Variants in IQCH observed in about 807,000 individuals in gnomAD.
The protein encoded by IQCH is IQ motif containing H, also known as IQ domain-containing protein H.
IQCH carries 98 observed loss-of-function variants against 117.0 expected under a neutral mutation model. The observed-to-expected ratio is 0.84, with a 90% confidence interval of 0.71 to 0.99. IQCH has a LOEUF of 0.99. Among genes scored for constraint, IQCH ranks in the 50% least tolerant of loss-of-function variants. The pLI, the probability that IQCH is intolerant of heterozygous loss-of-function variation, is 0.00. For missense variants in IQCH, 1,102 were observed against 1,243.8 expected (o/e 0.89, Z 1.72); for synonymous variants, 412 against 448.2 (o/e 0.92, Z 1.02).
At position 67,395,024 on chromosome 15, in the gene IQCH, G is replaced by A. The variant is rs1971415545; in HGVS notation, c.1633-267G>A. On this transcript the variant is annotated intron_variant, in intron 12 of 20. Coordinates refer to ENST00000335894, the MANE Select transcript of IQCH (RefSeq NM_001031715.3). This position sits in a 1 kb window ranked among gnomAD's most constrained non-coding sequence, Gnocchi z 4.0. ...CCGCCAGCCTCTTTTCCTTCTGACA[G>A]AAGGATAATTCCACGTGGATCAAAT... Among the ~76,000 whole-genome samples the A allele has an allele frequency of 6.6e-6, 1 of 152,112 alleles. No individual in the cohort carries two copies. Among genetic ancestry groups the A allele is most frequent in the Admixed American group, 6.6e-5 (1 of 15,264 alleles).
intron 16 of IQCH, among the ~76,000 whole-genome samples, chr15:67,448,157 C>CTGTG (rs113292992): frequency 0.014 from 2,126 of 147,632 alleles, 20 homozygotes; most frequent in South Asian, 0.029. Flanking sequence ...CTAAGTGACT[C>CTGTG]TGTGTGTGTG....
rs16950943 is a variant in IQCH at position 67,493,507 on chromosome 15, A to G, written c.2862-751A>G. Reference sequence around the variant, plus strand: ...CTCTGAACATAGGCAGGACACTCTCATTAAGTGATAGGAATCACTTGTACC... The same window carrying G: ...CTCTGAACATAGGCAGGACACTCTCGTTAAGTGATAGGAATCACTTGTACC... On this transcript the variant is annotated intron_variant, in intron 19 of 20. Coordinates refer to ENST00000335894, the MANE Select transcript of IQCH (RefSeq NM_001031715.3). This position sits in a 1 kb window ranked among gnomAD's most constrained non-coding sequence, Gnocchi z 5.1. Among the ~76,000 whole-genome samples, 2,348 of 152,332 alleles carry G rather than the reference A, an allele frequency of 0.015. 66 individuals carry two copies. Among genetic ancestry groups the G allele is most frequent in the African/African-American group, 0.054 (2,227 of 41,566 alleles).
chr15:67,374,041 C>T (rs1159492352), intron 10 of IQCH: 2 of 152,400 alleles, frequency 1.3e-5, no homozygotes, highest in Non-Finnish European at 2.9e-5. Context: ...TATTTAATTA[C>T]ATTTATGAAT....
At chr15:67,372,068 A>G (rs1369538016) in intron 8 of IQCH, 43 bp from the exon 9 acceptor site, 1 of 1,498,876 alleles carries the variant, frequency 6.7e-7, no homozygotes. Context: ...AAAGGAGATC[A>G]TAATATCTTT....
chr15:67,483,908 C>A (rs2083403855), intron 18 of IQCH, among the ~76,000 whole-genome samples: 1 of 152,184 alleles, frequency 6.6e-6, no homozygotes, highest in Non-Finnish European at 1.5e-5. Flanking sequence ...GGCTAAAGAT[C>A]TGGCAGATAT....
At chr15:67,324,392 T>C (rs191227301) in intron 4 of IQCH, among the ~76,000 whole-genome samples, 50 of 151,386 alleles carry the variant, frequency 3.3e-4, no homozygotes, top group African/African-American at 1.0e-3. Flanking sequence ...CGGGCGATCA[T>C]TGAGGTCCAG....
rs1400640229 is a variant in IQCH, at chr15:67,466,914, G to A, written c.2676+1617G>A. The A allele has an allele frequency of 5.2e-5, 8 of 152,500 alleles. No individual in the cohort carries two copies. The allele number at this position is 152,500 out of a possible 1,614,324, so 9.4% of individuals were successfully genotyped here. On this transcript the variant is annotated intron_variant, in intron 17 of 20. Transcript: ENST00000335894. The surrounding 1 kb of genome is among the most constrained non-coding windows in gnomAD (Gnocchi z 4.4). ...GAGCCCTTCTGGCCAGTGAACCTAA[G>A]TCTATGCCATTTCTGCAAGAAGCTG... is the stretch of plus-strand genomic sequence containing the variant.
chr15:67,354,256 A>G (rs1183144335), intron 6 of IQCH, among the ~76,000 whole-genome samples: 1 of 152,208 alleles, frequency 6.6e-6, no homozygotes, highest in Non-Finnish European at 1.5e-5. Flanking sequence ...GTTCATCATA[A>G]TCAAGGAAAA....
intron 4 of IQCH, chr15:67,281,593 C>G (rs1270841910): frequency 4.9e-6 from 2 of 410,034 alleles, no homozygotes; most frequent in Admixed American, 5.8e-5. Flanking sequence ...TCTTTTCAGT[C>G]GTTTAAAGGT....
chr15:67,286,364 A>G (rs1331108076), intron 4 of IQCH, among the ~76,000 whole-genome samples: 5 of 152,138 alleles, frequency 3.3e-5, no homozygotes, highest in Non-Finnish European at 7.4e-5. Flanking sequence ...ATATAAGATC[A>G]TATCATCTGC....
At chr15:67,372,034 AGT>A in intron 8 of IQCH, 75 bp from the exon 9 acceptor site, 1 of 1,192,626 alleles carries the variant, frequency 8.4e-7, no homozygotes, top group Non-Finnish European at 1.2e-6. Context: ...ATGATAATGT[AGT>A]GTGTGTCTTG....
At chr15:67,492,047 C>T (rs919213935) in intron 19 of IQCH, among the ~76,000 whole-genome samples, 11 of 152,048 alleles carry the variant, frequency 7.2e-5, no homozygotes, top group African/African-American at 2.4e-4. Flanking sequence ...TTTCACTCTC[C>T]CCAAACTTGA....
At chr15:67,350,278 C>T (rs534391654) in intron 6 of IQCH, among the ~76,000 whole-genome samples, 7 of 152,278 alleles carry the variant, frequency 4.6e-5, no homozygotes, top group Admixed American at 2.6e-4. Flanking sequence ...ACAGGCTACA[C>T]ACCATATGAT....
intron 6 of IQCH, among the ~76,000 whole-genome samples, chr15:67,347,064 T>C (rs912611309): frequency 6.6e-6 from 1 of 151,930 alleles, no homozygotes; most frequent in Non-Finnish European, 1.5e-5. Flanking sequence ...AATACTTTTA[T>C]TAGAAAAGAA....
intron 16 of IQCH, among the ~76,000 whole-genome samples, chr15:67,448,839 C>T (rs1256640837): frequency 1.3e-5 from 2 of 152,130 alleles, no homozygotes; most frequent in African/African-American, 4.8e-5. Context: ...TTTACAGTCC[C>T]ACCAACAGTG....
chr15:67,377,369 ATATAAT>A (rs1237085806), intron 10 of IQCH, among the ~76,000 whole-genome samples: 2 of 152,062 alleles, frequency 1.3e-5, no homozygotes, highest in Non-Finnish European at 2.9e-5. Flanking sequence ...ATTTTTATTA[ATATAAT>A]TATAACAAAA....
Position 67,436,817 on chromosome 15 carries a change from A to T in IQCH, c.2505+15240A>T, listed in dbSNP as rs1406115387. ...CCTGACAACCTGCATGACTCAGCAG[A>T]GGCAGCCATAATCCTCCTAGGTACA... On this transcript the variant is annotated intron_variant, in intron 16 of 20. Coordinates refer to ENST00000335894, the MANE Select transcript of IQCH (RefSeq NM_001031715.3). The surrounding 1 kb of genome is among the most constrained non-coding windows in gnomAD (Gnocchi z 5.1). Among the ~76,000 whole-genome samples, 1 of 152,020 alleles carries T rather than the reference A, an allele frequency of 6.6e-6. No homozygotes were observed. Among genetic ancestry groups the T allele is most frequent in the African/African-American group, 2.4e-5 (1 of 41,368 alleles).
chr15:67,263,168 C>T lies in IQCH; in HGVS notation c.221C>T (p.Thr74Met), dbSNP rs372080456. 2.1e-5 allele frequency: 34 copies of T among 1,583,048 alleles called. No individual in the cohort carries two copies. Among genetic ancestry groups the T allele is most frequent in the East Asian group, 1.8e-4 (8 of 44,674 alleles). ...AATGTTGTAAACCAGAATGTATTAA[C>T]GACTTCTGTTAATGATGAGAGCTTA... ...YLNVVNQNVL[T>M]TSVNDESLYT... The change falls in exon 3 of 21, where the codon ACG (threonine) becomes ATG (methionine). Residue 74 changes from threonine to methionine, a missense_variant. Thr to Met is a moderately conservative substitution (Grantham distance 81). Around this residue, in one of 2 missense-constraint regions of IQCH, gnomAD observed 452 missense variants for 449.6 expected, o/e 1.01. Coordinates refer to ENST00000335894, the MANE Select transcript of IQCH (RefSeq NM_001031715.3).
intron 10 of IQCH, among the ~76,000 whole-genome samples, chr15:67,380,396 T>G (rs1970886525): frequency 6.6e-6 from 1 of 152,204 alleles, no homozygotes; most frequent in Non-Finnish European, 1.5e-5. Context: ...AACCAACTAT[T>G]AGTTTTATTT....
Sources: allele counts gnomAD v4.1 joint callset (sites outside exome capture counted in the v4.1 genomes callset), GRCh38; gene constraint gnomAD v4.1.1; regional missense constraint gnomAD v4.1.1; non-coding constraint Gnocchi (gnomAD v3.1); transcripts MANE v1.5; gene names NCBI Gene and HGNC (gene_info 2026-07-23, HGNC 2026-07-21).